The following ARHGAP26 variants were observed in gnomAD, a reference collection of about 807,000 sequenced individuals.
ARHGAP26 encodes the protein Rho GTPase activating protein 26.
ARHGAP26 carries 38 observed loss-of-function variants against 104.8 expected under a neutral mutation model. That is an observed-to-expected ratio of 0.36 (90% CI 0.28 to 0.48). ARHGAP26 has a LOEUF of 0.48. ARHGAP26 is among the 20% of genes least tolerant of loss of function. ARHGAP26 has a pLI of 0.99. For missense variants in ARHGAP26, 704 were observed against 947.9 expected (o/e 0.74, Z 3.38); for synonymous variants, 341 against 340.0 (o/e 1.00, Z -0.03).
chr5:142,879,404 C>T lies in ARHGAP26; in HGVS notation c.343C>T (p.Pro115Ser). 6.2e-7 allele frequency: 1 copy of T among 1,614,026 alleles called. No homozygotes were observed. Residue 115 changes from proline (P) to serine (S), a missense_variant, in exon 4 of 23, where the codon CCC becomes TCC. Pro to Ser is a moderately conservative substitution (Grantham distance 74). Around this residue, in one of 6 missense-constraint regions of ARHGAP26, gnomAD observed 106 missense variants for 120.5 expected, o/e 0.88. Transcript: ENST00000645722. ...IENASEVLITPLEKFRKEQIG... is the reference protein window; with the variant it reads ...IENASEVLITSLEKFRKEQIG... Reference sequence around the variant, plus strand: ...GAATGCCAGCGAGGTGCTCATCACTCCCTTGGAGAAGTTTCGAAAGGAACA... The same window carrying T: ...GAATGCCAGCGAGGTGCTCATCACTTCCTTGGAGAAGTTTCGAAAGGAACA...
chr5:143,209,252 A>G (rs926526266), intron 21 of ARHGAP26, among the ~76,000 whole-genome samples: 1 of 152,158 alleles, frequency 6.6e-6, no homozygotes, highest in Admixed American at 6.5e-5. Context: ...TTTCTTGTCA[A>G]GTATCTCTAC....
chr5:142,930,827 T>C (rs1452739643), intron 10 of ARHGAP26, among the ~76,000 whole-genome samples: 2 of 152,364 alleles, frequency 1.3e-5, no homozygotes, highest in East Asian at 1.9e-4. Context: ...TTTTAAATTA[T>C]GTTAAACACA....
At chr5:143,026,151 G>A (rs951189908) in intron 12 of ARHGAP26, among the ~76,000 whole-genome samples, 2 of 152,154 alleles carry the variant, frequency 1.3e-5, no homozygotes, top group Non-Finnish European at 2.9e-5. Context: ...ACTATTCAAG[G>A]CTCCTGGAAT....
intron 1 of ARHGAP26, among the ~76,000 whole-genome samples, chr5:142,827,996 T>C (rs1238312360): frequency 1.3e-5 from 2 of 152,236 alleles, no homozygotes; most frequent in Non-Finnish European, 2.9e-5. Flanking sequence ...TTTCTTGGTC[T>C]TCCAAGTATT....
intron 10 of ARHGAP26, among the ~76,000 whole-genome samples, chr5:142,928,962 G>A (rs9324898): frequency 0.13 from 20,264 of 151,910 alleles, 3,645 homozygotes; most frequent in African/African-American, 0.41. Flanking sequence ...ATTTTGAGAC[G>A]GAGTCTCGCT....
intron 11 of ARHGAP26, among the ~76,000 whole-genome samples, chr5:142,994,678 G>T (rs1776134232): frequency 6.6e-6 from 1 of 152,136 alleles, no homozygotes; most frequent in South Asian, 2.1e-4. Context: ...CAGGACTTAG[G>T]ACAGATCTTA....
intron 5 of ARHGAP26, among the ~76,000 whole-genome samples, chr5:142,891,179 C>T (rs1758604588): frequency 6.6e-6 from 1 of 151,932 alleles, no homozygotes. Flanking sequence ...AGTTGGAAGG[C>T]GTATCAGCCC....
At chr5:142,798,857 A>T (rs1304109062) in intron 1 of ARHGAP26, among the ~76,000 whole-genome samples, 1 of 152,150 alleles carries the variant, frequency 6.6e-6, no homozygotes, top group African/African-American at 2.4e-5. Context: ...GGGCTGTGGG[A>T]TATATGGCTG....
chr5:142,921,198 A>G (rs1598250446), intron 10 of ARHGAP26, among the ~76,000 whole-genome samples: 1 of 152,272 alleles, frequency 6.6e-6, no homozygotes, highest in African/African-American at 2.4e-5. Context: ...GGTAACCTGC[A>G]TTTGCACAGT....
In ARHGAP26 at chr5:142,861,576, A is replaced by G. The variant is rs375421516; in HGVS notation, c.155-11824A>G. ...ACGGTGAGGAGGGCGAGAGGGAGTC[A>G]AAGTGGTAGGGGCCGGGTGGCTTCA... On this transcript the variant is annotated intron_variant, in intron 1 of 22. Transcript: ENST00000645722. Among the ~76,000 whole-genome samples the G allele has an allele frequency of 1.5e-4, 23 of 152,312 alleles. No homozygotes were observed. In the East Asian group the frequency reaches 4.2e-3, roughly 28 times the overall value.
chr5:143,221,133 G>T (rs1811075237), intron 22 of ARHGAP26, among the ~76,000 whole-genome samples: 1 of 152,190 alleles, frequency 6.6e-6, no homozygotes, highest in Non-Finnish European at 1.5e-5. Flanking sequence ...TTAGTCCCAT[G>T]ATTCCTTCTC....
At chr5:142,892,067 G>C in intron 5 of ARHGAP26, among the ~76,000 whole-genome samples, 1 of 151,932 alleles carries the variant, frequency 6.6e-6, no homozygotes, top group East Asian at 1.9e-4. Flanking sequence ...AGAGGGAGAA[G>C]TGAAATTGAG....
intron 6 of ARHGAP26, among the ~76,000 whole-genome samples, chr5:142,899,891 T>A (rs1052276972): frequency 2.0e-5 from 3 of 152,222 alleles, no homozygotes; most frequent in Non-Finnish European, 4.4e-5. Context: ...CACTTGCGGG[T>A]ATGCCCAGGT....
chr5:142,931,290 C>T (rs146730094), intron 10 of ARHGAP26, among the ~76,000 whole-genome samples: 26 of 152,284 alleles, frequency 1.7e-4, no homozygotes, highest in African/African-American at 5.8e-4. Context: ...GGCTTTCAGC[C>T]GCTTCTCCCA....
chr5:143,107,965 T>C (rs1397669127), intron 17 of ARHGAP26, among the ~76,000 whole-genome samples: 1 of 152,354 alleles, frequency 6.6e-6, no homozygotes, highest in South Asian at 2.1e-4. Flanking sequence ...TTTTTGTGAT[T>C]AAGGCAATAA....
intron 20 of ARHGAP26, among the ~76,000 whole-genome samples, chr5:143,200,971 G>A (rs1807628056): frequency 6.6e-6 from 1 of 152,204 alleles, no homozygotes; most frequent in African/African-American, 2.4e-5. Flanking sequence ...GTGTCAAGCT[G>A]ATGATATTGC....
At chr5:142,925,717 G>A (rs539806579) in intron 10 of ARHGAP26, among the ~76,000 whole-genome samples, 1 of 152,172 alleles carries the variant, frequency 6.6e-6, no homozygotes, top group East Asian at 1.9e-4. Flanking sequence ...AGCATAAGGG[G>A]CAGGTTTCAG....
At chr5:142,780,010 C>T (rs1363336226) in intron 1 of ARHGAP26, among the ~76,000 whole-genome samples, 2 of 152,232 alleles carry the variant, frequency 1.3e-5, no homozygotes, top group African/African-American at 2.4e-5. Flanking sequence ...TCCAATGCTT[C>T]CTGTCTCCTG....
intron 1 of ARHGAP26, among the ~76,000 whole-genome samples, chr5:142,807,882 A>G (rs1260570286): frequency 6.6e-6 from 1 of 152,140 alleles, no homozygotes; most frequent in African/African-American, 2.4e-5. Context: ...CATCTCTTAG[A>G]AAGATGGGTT....
Sources: gnomAD v4.1 joint callset for allele counts (sites outside exome capture counted in the v4.1 genomes callset) on GRCh38, gnomAD v4.1.1 for gene constraint, gnomAD v4.1.1 regional missense constraint, MANE v1.5 for transcripts, NCBI Gene and HGNC (gene_info 2026-07-23, HGNC 2026-07-21) for gene names.